Variants in SCFD2 observed in about 807,000 individuals in gnomAD.
The protein encoded by SCFD2 is sec1 family domain-containing protein 2.
SCFD2 carries 54 observed loss-of-function variants against 58.9 expected under a neutral mutation model. That is an observed-to-expected ratio of 0.92 (90% CI 0.74 to 1.15). The LOEUF is 1.15. Ranked by LOEUF, SCFD2 falls within the 50% of genes most tolerant of loss-of-function variation. The pLI is 0.00. For synonymous variants in SCFD2, 321 were observed against 335.9 expected, an observed-to-expected ratio of 0.96 and a Z score of 0.49; for missense variants, 805 against 836.6, an observed-to-expected ratio of 0.96 and a Z score of 0.47.
intron 3 of SCFD2, among the ~76,000 whole-genome samples, chr4:53,311,184 G>A (rs1230439917): frequency 1.3e-5 from 2 of 152,132 alleles, no homozygotes; most frequent in Non-Finnish European, 2.9e-5. Context: ...CAGCCATACT[G>A]TGTTATCTGT....
intron 5 of SCFD2, among the ~76,000 whole-genome samples, chr4:53,110,480 G>T (rs1249423620): frequency 2.0e-5 from 3 of 152,162 alleles, no homozygotes; most frequent in Non-Finnish European, 2.9e-5. Context: ...GAAAATTTTT[G>T]CAATCTGTCC....
chr4:53,328,777 G>A (rs1412405142), intron 2 of SCFD2, among the ~76,000 whole-genome samples: 2 of 152,256 alleles, frequency 1.3e-5, no homozygotes, highest in Non-Finnish European at 2.9e-5. Flanking sequence ...CCGGTCTACA[G>A]CTCCCAGCGT....
intron 6 of SCFD2, among the ~76,000 whole-genome samples, chr4:52,913,195 AGG>A (rs745474953): frequency 0.038 from 5,801 of 152,200 alleles, 167 homozygotes; most frequent in Non-Finnish European, 0.06. Flanking sequence ...CTGCTACACC[AGG>A]GATCCCCAAC....
At chr4:53,249,426 C>A (rs1420624450) in intron 4 of SCFD2, among the ~76,000 whole-genome samples, 1 of 152,136 alleles carries the variant, frequency 6.6e-6, no homozygotes, top group African/African-American at 2.4e-5. Flanking sequence ...GCAAGGCAGG[C>A]CAACGTTCAG....
chr4:53,069,906 C>CT (rs1406804528), intron 5 of SCFD2, among the ~76,000 whole-genome samples: 1 of 151,958 alleles, frequency 6.6e-6, no homozygotes, highest in African/African-American at 2.4e-5. Flanking sequence ...ACATATACAT[C>CT]TTTCTGTATC....
chr4:53,354,045 C>T (rs1734323748), intron 1 of SCFD2, among the ~76,000 whole-genome samples: 1 of 152,274 alleles, frequency 6.6e-6, no homozygotes, highest in Non-Finnish European at 1.5e-5. Context: ...GCCAGGGCTG[C>T]AGCTGGAGCT....
At chr4:53,270,725 G>A (rs1284829381) in intron 4 of SCFD2, among the ~76,000 whole-genome samples, 2 of 152,088 alleles carry the variant, frequency 1.3e-5, no homozygotes, top group Non-Finnish European at 2.9e-5. Flanking sequence ...TAAACATCTG[G>A]AAAACTGAAT....
At chr4:52,940,042 C>T (rs114515087) in intron 5 of SCFD2, among the ~76,000 whole-genome samples, 6 of 152,230 alleles carry the variant, frequency 3.9e-5, no homozygotes, top group African/African-American at 1.4e-4. Context: ...AGCTGGCACC[C>T]CCAACTCAGG....
At position 52,935,813 on chromosome 4, in the gene SCFD2, A is replaced by G. The variant is rs112387752; in HGVS notation, c.1562-14943T>C. ...AAATTCCACTTCTGAGAAGCAACAC[A>G]TATCTATCTCATCCTTTTCTTTTTC... On this transcript the variant is annotated intron_variant, in intron 5 of 8. Coordinates refer to ENST00000401642, the MANE Select transcript of SCFD2 (RefSeq NM_152540.4). 1.7e-4 allele frequency among the ~76,000 whole-genome samples: 26 copies of G among 152,164 alleles called. 1 individual carries two copies. Among genetic ancestry groups the G allele is most frequent in the African/African-American group, 5.8e-4 (24 of 41,526 alleles).
chr4:53,191,776 G>T (rs1727921206), intron 4 of SCFD2, among the ~76,000 whole-genome samples: 1 of 152,166 alleles, frequency 6.6e-6, no homozygotes, highest in Admixed American at 6.5e-5. Flanking sequence ...CTTTGTGACT[G>T]CAAAAAGGTT....
At chr4:53,290,500 T>C (rs1577935382) in intron 3 of SCFD2, among the ~76,000 whole-genome samples, 1 of 151,976 alleles carries the variant, frequency 6.6e-6, no homozygotes, top group Non-Finnish European at 1.5e-5. Context: ...TTTATAGCAA[T>C]AAATACCTAT....
intron 4 of SCFD2, among the ~76,000 whole-genome samples, chr4:53,244,337 T>C (rs1301123320): frequency 6.6e-6 from 1 of 151,718 alleles, no homozygotes; most frequent in Non-Finnish European, 1.5e-5. Flanking sequence ...TACAATCAAA[T>C]ATAAAACAAT....
intron 5 of SCFD2, among the ~76,000 whole-genome samples, chr4:53,056,126 CT>C (rs34952397): frequency 0.074 from 10,194 of 137,174 alleles, 407 homozygotes; most frequent in African/African-American, 0.13. Flanking sequence ...TGTAACGTAG[CT>C]TTTTTTTTTT....
intron 5 of SCFD2, among the ~76,000 whole-genome samples, chr4:53,091,936 C>A (rs529723359): frequency 1.3e-5 from 2 of 152,154 alleles, no homozygotes; most frequent in African/African-American, 4.8e-5. Flanking sequence ...TTAAAAGATT[C>A]AATTACTAAA....
intron 8 of SCFD2, among the ~76,000 whole-genome samples, chr4:52,876,878 C>T (rs1005387235): frequency 4.0e-5 from 6 of 151,832 alleles, no homozygotes; most frequent in East Asian, 1.9e-4. Context: ...GGCCAGCAGT[C>T]GTTCATGCAA....
chr4:53,299,928 T>A (rs1732209285), intron 3 of SCFD2, among the ~76,000 whole-genome samples: 2 of 152,126 alleles, frequency 1.3e-5, no homozygotes, highest in African/African-American at 4.8e-5. Context: ...AAGCCTGCCC[T>A]AAAAGAGCTC....
At chr4:53,270,610 C>T (rs1478901088) in intron 4 of SCFD2, among the ~76,000 whole-genome samples, 1 of 152,106 alleles carries the variant, frequency 6.6e-6, no homozygotes, top group Non-Finnish European at 1.5e-5. Context: ...CCAGGACAAT[C>T]AATGAATAAC....
chr4:53,141,634 G>A lies in SCFD2; in HGVS notation c.1561+3699C>T, dbSNP rs571365376. 8.1e-5 allele frequency among the ~76,000 whole-genome samples: 8 copies of A among 99,098 alleles called. No homozygotes were observed. In the South Asian group the frequency reaches 2.5e-3, roughly 30 times the overall value. The allele number at this position is 99,098 out of a possible 152,430, so 65.0% of individuals were successfully genotyped here. On this transcript the variant is annotated intron_variant, in intron 5 of 8. Coordinates refer to ENST00000401642, the MANE Select transcript of SCFD2 (RefSeq NM_152540.4). Reference sequence around the variant, plus strand: ...AATGTTGTGATAATGTACATTTGTGGAGTCAAATTTGAAAAAAAAAAAAAC... The same window carrying A: ...AATGTTGTGATAATGTACATTTGTGAAGTCAAATTTGAAAAAAAAAAAAAC...
chr4:53,170,056 A>G (rs1272618135), intron 4 of SCFD2, among the ~76,000 whole-genome samples: 2 of 152,098 alleles, frequency 1.3e-5, no homozygotes, highest in African/African-American at 4.8e-5. Context: ...CTATTTATCT[A>G]TTTTGTTGCT....
Sources: gnomAD v4.1 joint callset for allele counts (sites outside exome capture counted in the v4.1 genomes callset) on GRCh38, gnomAD v4.1.1 for gene constraint, MANE v1.5 for transcripts, NCBI Gene and HGNC (gene_info 2026-07-23, HGNC 2026-07-21) for gene names.